TTC39B: variants seen among roughly 807,000 people sequenced by gnomAD.
The protein encoded by TTC39B is tetratricopeptide repeat protein 39B.
Under a neutral mutation model 96.6 loss-of-function variants are expected in TTC39B, and 92 were observed. That is an observed-to-expected ratio of 0.95 (90% CI 0.80 to 1.13). TTC39B has a LOEUF of 1.13. Ranked by LOEUF, TTC39B falls within the 50% of genes most tolerant of loss-of-function variation. TTC39B has a pLI of 0.00. For missense variants in TTC39B, 955 were observed against 809.3 expected, an observed-to-expected ratio of 1.18 and a Z score of -2.18; for synonymous variants, 367 against 299.4, an observed-to-expected ratio of 1.23 and a Z score of -2.33.
chr9:15,269,398 C>T (rs1364207109), intron 1 of TTC39B, among the ~76,000 whole-genome samples: 1 of 152,188 alleles, frequency 6.6e-6, no homozygotes, highest in Non-Finnish European at 1.5e-5. Context: ...GGAACCTGGA[C>T]CGCCAAGGGA....
intron 2 of TTC39B, 121 bp downstream of exon 2, chr9:15,267,789 ACTTT>A: frequency 1.4e-6 from 1 of 731,752 alleles, no homozygotes; most frequent in Non-Finnish European, 2.2e-6. Context: ...TAGAAAAGTG[ACTTT>A]TTTTTTCTGA....
chr9:15,172,076 T>C (rs1817690600), exon 20 of TTC39B: 2 of 1,612,836 alleles, frequency 1.2e-6, no homozygotes, highest in Non-Finnish European at 1.7e-6. Context: ...TGAAGTGTAG[T>C]CTGGACTCCA....
intron 2 of TTC39B, among the ~76,000 whole-genome samples, chr9:15,246,888 A>T (rs1218185100): frequency 6.6e-6 from 1 of 152,268 alleles, no homozygotes; most frequent in South Asian, 2.1e-4. Context: ...CAGATTCATA[A>T]GCAAATAAAT....
chr9:15,254,872 CTT>C (rs34040951), intron 2 of TTC39B, among the ~76,000 whole-genome samples: 24,183 of 141,920 alleles, frequency 0.17, 2,309 homozygotes, highest in African/African-American at 0.28. Context: ...AACACACACA[CTT>C]TTTTTTTTTT....
intron 2 of TTC39B, among the ~76,000 whole-genome samples, chr9:15,254,752 C>T (rs1001442596): frequency 2.6e-5 from 4 of 151,688 alleles, no homozygotes; most frequent in African/African-American, 9.7e-5. Flanking sequence ...GGTATAACTT[C>T]TTTCAAATTA....
intron 1 of TTC39B, among the ~76,000 whole-genome samples, chr9:15,278,297 G>A (rs78945341): frequency 6.6e-6 from 1 of 152,094 alleles, no homozygotes; most frequent in East Asian, 1.9e-4. Context: ...TAACCCCACA[G>A]AGAAATAAGT....
intron 1 of TTC39B, among the ~76,000 whole-genome samples, chr9:15,296,790 C>A (rs754390221): frequency 2.3e-4 from 35 of 152,178 alleles, no homozygotes; most frequent in Admixed American, 7.2e-4. Context: ...AGCCACTGCG[C>A]CTGGCCAAAA....
exon 20 of TTC39B, chr9:15,167,028 A>ATATTTTT (rs1554758710): frequency 9.1e-5 from 1 of 11,032 alleles, no homozygotes; most frequent in African/African-American, 2.9e-4. Flanking sequence ...ATATATATAT[A>ATATTTTT]TTTTTTTTTT....
intron 2 of TTC39B, among the ~76,000 whole-genome samples, chr9:15,239,106 G>C (rs1423170791): frequency 6.6e-6 from 1 of 151,718 alleles, no homozygotes; most frequent in African/African-American, 2.4e-5. Context: ...CAAAAGGCCT[G>C]AACAGATATT....
chr9:15,203,438 T>C (rs1819659599), intron 7 of TTC39B, among the ~76,000 whole-genome samples: 3 of 151,494 alleles, frequency 2.0e-5, no homozygotes, highest in Admixed American at 2.0e-4. Flanking sequence ...TTTTTGTATT[T>C]TCAGTAGAGA....
At chr9:15,215,485 A>C (rs1454676351) in intron 3 of TTC39B, among the ~76,000 whole-genome samples, 1 of 151,912 alleles carries the variant, frequency 6.6e-6, no homozygotes, top group African/African-American at 2.4e-5. Context: ...TGAACCCAGG[A>C]GGTGGAGGTT....
intron 3 of TTC39B, among the ~76,000 whole-genome samples, chr9:15,221,576 G>C (rs1820843578): frequency 6.6e-6 from 1 of 152,008 alleles, no homozygotes; most frequent in Admixed American, 6.6e-5. Flanking sequence ...TCTTTTGTTA[G>C]AGAATGGCAT....
In TTC39B at chr9:15,307,073, T is replaced by A. The variant is rs758962566; in HGVS notation, c.240+11A>T. On this transcript the variant is annotated intron_variant, in intron 1 of 19. Coordinates refer to ENST00000512701, the Ensembl canonical transcript of TTC39B. The stretch of plus-strand genomic sequence containing the variant: ...TCAGGGGCCGGGCCCGCAATCCCCA[T>A]CGGATCGTACCTCGTCCGCTTCCAG... 4 of 1,609,268 alleles carry A rather than the reference T, an allele frequency of 2.5e-6. No individual in the cohort carries two copies. The highest frequency in any genetic ancestry group is 2.5e-6 in the Non-Finnish European group (3 of 1,177,954).
In TTC39B at chr9:15,210,259, C is replaced by G. The variant is rs761146088; in HGVS notation, c.615-95G>C. ...GACGTTCATTTCAGTCACTATCACA[C>G]CAAAGAGTCAAAAAGCTGAAACTCT... On this transcript the variant is annotated intron_variant, in intron 5 of 19. Transcript: ENST00000512701. 95 of 800,702 alleles carry G rather than the reference C, an allele frequency of 1.2e-4. 2 individuals are homozygous for G. Among genetic ancestry groups the G allele is most frequent in the Non-Finnish European group, 1.8e-4 (90 of 492,374 alleles). The allele number at this position is 800,702 out of a possible 1,614,324, so 49.6% of individuals were successfully genotyped here. A position where few individuals can be genotyped will look rare whatever the true frequency, so the allele number is the denominator to read the frequency against.
At chr9:15,199,284 G>A (rs1819368088) in intron 8 of TTC39B, among the ~76,000 whole-genome samples, 1 of 152,118 alleles carries the variant, frequency 6.6e-6, no homozygotes, top group South Asian at 2.1e-4. Context: ...ACTGTTCTAA[G>A]GAGAGAGAAA....
chr9:15,257,728 A>G (rs185265235), intron 2 of TTC39B, among the ~76,000 whole-genome samples: 170 of 148,978 alleles, frequency 1.1e-3, no homozygotes, highest in Admixed American at 2.6e-3. Flanking sequence ...GATTACAGGC[A>G]TGAGCCACCG....
chr9:15,269,852 C>T (rs1823275145), intron 1 of TTC39B, among the ~76,000 whole-genome samples: 1 of 112,400 alleles, frequency 8.9e-6, no homozygotes, highest in Non-Finnish European at 1.8e-5. Context: ...GAGACTCCGT[C>T]TCCAAAAAAA....
At chr9:15,217,132 C>A (rs897483532) in intron 3 of TTC39B, among the ~76,000 whole-genome samples, 1 of 152,154 alleles carries the variant, frequency 6.6e-6, no homozygotes, top group African/African-American at 2.4e-5. Flanking sequence ...AGAAAACAGG[C>A]AAAAGCCAGA....
chr9:15,225,407 A>G (rs1295886454), intron 3 of TTC39B, among the ~76,000 whole-genome samples: 1 of 152,166 alleles, frequency 6.6e-6, no homozygotes, highest in African/African-American at 2.4e-5. Context: ...ATATTTTTAA[A>G]CCAAGATTAT....
Sources: allele counts gnomAD v4.1 joint callset (sites outside exome capture counted in the v4.1 genomes callset), GRCh38; gene constraint gnomAD v4.1.1; transcripts MANE v1.5; gene names NCBI Gene and HGNC (gene_info 2026-07-23, HGNC 2026-07-21).